The following SGCZ variants were observed in gnomAD, a reference collection of about 807,000 sequenced individuals.
SGCZ encodes the protein sarcoglycan zeta.
In SGCZ, 40 loss-of-function variants were observed where a neutral mutation model predicts 41.3. The ratio of observed to expected loss-of-function variants is 0.97; its 90% confidence interval spans 0.75 to 1.26. The LOEUF (loss-of-function observed/expected upper bound fraction) is 1.26. Ranked by LOEUF, SGCZ falls within the 50% of genes most tolerant of loss-of-function variation. SGCZ has a pLI of 0.00. For missense variants in SGCZ, 552 were observed against 369.8 expected (o/e 1.49, Z -4.04); for synonymous variants, 206 against 137.5 (o/e 1.50, Z -3.49).
At chr8:14,481,508 C>G (rs1408966336) in intron 2 of SGCZ, among the ~76,000 whole-genome samples, 2 of 152,104 alleles carry the variant, frequency 1.3e-5, no homozygotes, top group Non-Finnish European at 2.9e-5. Context: ...ATAAATTTGA[C>G]CAAACATTTT....
chr8:14,090,954 A>G lies in SGCZ; in HGVS notation c.745-317T>C, dbSNP rs114132439. On this transcript the variant is annotated intron_variant, in intron 7 of 7. Coordinates refer to ENST00000382080, the MANE Select transcript of SGCZ (RefSeq NM_139167.4). ...AATTAATGATTTTGACAGTCTCTCA[A>G]TTTAATTTCTTAAAAAATCCCATAG... Among the ~76,000 whole-genome samples the G allele has an allele frequency of 7.9e-3, 1,206 of 152,054 alleles. 8 individuals carry two copies. Among genetic ancestry groups the G allele is most frequent in the South Asian group, 0.023 (113 of 4,824 alleles).
At chr8:14,542,513 G>T (rs1803500444) in intron 2 of SGCZ, among the ~76,000 whole-genome samples, 1 of 151,966 alleles carries the variant, frequency 6.6e-6, no homozygotes, top group African/African-American at 2.4e-5. Context: ...CTAATATTTG[G>T]CCTTAAAAGC....
chr8:14,227,003 A>G (rs1806395054), intron 4 of SGCZ, among the ~76,000 whole-genome samples: 1 of 152,052 alleles, frequency 6.6e-6, no homozygotes, highest in African/African-American at 2.4e-5. Flanking sequence ...TACCTATAAT[A>G]CTCTAGTGTG....
intron 1 of SGCZ, among the ~76,000 whole-genome samples, chr8:14,835,572 A>C (rs544029327): frequency 4.1e-4 from 62 of 152,246 alleles, no homozygotes; most frequent in African/African-American, 1.4e-3. Context: ...CCAGATCATT[A>C]ATGAGAGTGT....
chr8:14,874,897 G>A (rs1015167533), intron 1 of SGCZ, among the ~76,000 whole-genome samples: 1 of 152,092 alleles, frequency 6.6e-6, no homozygotes, highest in Non-Finnish European at 1.5e-5. Context: ...TTTTTCATAA[G>A]TAACTAAAGT....
chr8:14,869,475 C>T (rs1352696520), intron 1 of SGCZ, among the ~76,000 whole-genome samples: 1 of 152,114 alleles, frequency 6.6e-6, no homozygotes, highest in Non-Finnish European at 1.5e-5. Context: ...AACCCACAGC[C>T]AATATCATAC....
At chr8:14,593,660 T>G (rs1229251891) in intron 1 of SGCZ, among the ~76,000 whole-genome samples, 1 of 152,124 alleles carries the variant, frequency 6.6e-6, no homozygotes, top group Non-Finnish European at 1.5e-5. Context: ...ATCTACACAA[T>G]GTAAATGAAA....
intron 1 of SGCZ, among the ~76,000 whole-genome samples, chr8:15,101,907 A>G (rs566166512): frequency 1.7e-4 from 26 of 152,328 alleles, no homozygotes; most frequent in Admixed American, 1.5e-3. Flanking sequence ...CCTGAGCAAC[A>G]GAGCGAGACT....
chr8:14,270,536 T>A (rs139120279), intron 3 of SGCZ, among the ~76,000 whole-genome samples: 161 of 152,164 alleles, frequency 1.1e-3, no homozygotes, highest in African/African-American at 3.7e-3. Context: ...TATAAAACAA[T>A]ATTTCCAATT....
chr8:14,458,095 A>G (rs1452724370), intron 2 of SGCZ, among the ~76,000 whole-genome samples: 1 of 152,180 alleles, frequency 6.6e-6, no homozygotes, highest in Non-Finnish European at 1.5e-5. Flanking sequence ...TAGCAATGTG[A>G]GAAAAGACTA....
intron 3 of SGCZ, among the ~76,000 whole-genome samples, chr8:14,299,704 C>T (rs990354634): frequency 2.6e-5 from 4 of 151,852 alleles, no homozygotes; most frequent in African/African-American, 7.2e-5. Context: ...TTACACGCTG[C>T]TGGTAGTATT....
chr8:14,643,803 A>G (rs948154177), intron 1 of SGCZ, among the ~76,000 whole-genome samples: 1 of 151,708 alleles, frequency 6.6e-6, no homozygotes, highest in African/African-American at 2.4e-5. Context: ...TCCTAAATTG[A>G]AGGTTGCCTC....
chr8:14,365,495 TG>T (rs1416351476), intron 2 of SGCZ, among the ~76,000 whole-genome samples: 1 of 152,164 alleles, frequency 6.6e-6, no homozygotes, highest in Admixed American at 6.5e-5. Context: ...TTGATTTCCA[TG>T]ATGCAAACTT....
intron 1 of SGCZ, among the ~76,000 whole-genome samples, chr8:15,154,167 T>C (rs1034333850): frequency 3.9e-5 from 6 of 152,190 alleles, no homozygotes; most frequent in African/African-American, 1.4e-4. Context: ...TTATAAATTA[T>C]CCAGTATCTG....
At chr8:14,683,378 G>A (rs1162590630) in intron 1 of SGCZ, among the ~76,000 whole-genome samples, 1 of 151,638 alleles carries the variant, frequency 6.6e-6, no homozygotes, top group Non-Finnish European at 1.5e-5. Flanking sequence ...AAAACATTCA[G>A]AAGCAATATA....
intron 1 of SGCZ, among the ~76,000 whole-genome samples, chr8:14,647,788 C>T (rs1415865141): frequency 1.3e-5 from 2 of 152,002 alleles, no homozygotes; most frequent in East Asian, 3.9e-4. Flanking sequence ...TGGGCAATGA[C>T]ATCAAGATGA....
intron 1 of SGCZ, among the ~76,000 whole-genome samples, chr8:15,193,433 A>G (rs1050730053): frequency 5.3e-5 from 8 of 152,008 alleles, no homozygotes; most frequent in Non-Finnish European, 7.4e-5. Context: ...TGTGTTAATC[A>G]CTGTTTTAAG....
At chr8:14,373,837 G>C (rs1024000553) in intron 2 of SGCZ, among the ~76,000 whole-genome samples, 10 of 152,044 alleles carry the variant, frequency 6.6e-5, no homozygotes, top group African/African-American at 2.2e-4. Flanking sequence ...CTGGAGATAA[G>C]AAAGCTGATT....
chr8:14,362,243 T>C (rs180775707), intron 2 of SGCZ, among the ~76,000 whole-genome samples: 1 of 152,300 alleles, frequency 6.6e-6, no homozygotes, highest in Non-Finnish European at 1.5e-5. Flanking sequence ...GACATTTAAG[T>C]CTGCAGAAGC....
Sources: allele counts gnomAD v4.1 joint callset (sites outside exome capture counted in the v4.1 genomes callset), GRCh38; gene constraint gnomAD v4.1.1; transcripts MANE v1.5; gene names NCBI Gene and HGNC (gene_info 2026-07-23, HGNC 2026-07-21).